Variants in RAB5A observed in about 807,000 individuals in gnomAD.
The protein encoded by RAB5A is RAB5A, member RAS oncogene family, also known as ras-related protein Rab-5A.
RAB5A carries 8 observed loss-of-function variants against 25.7 expected under a neutral mutation model. The observed-to-expected ratio is 0.31, with a 90% CI of 0.18 to 0.56. The LOEUF (loss-of-function observed/expected upper bound fraction) is 0.56, where lower values mean the gene tolerates loss of function less well. Among genes scored for constraint, RAB5A ranks in the 20% least tolerant of loss-of-function variants. RAB5A has a pLI of 0.91. For synonymous variants in RAB5A, 98 were observed against 89.8 expected (o/e 1.09, Z -0.52); for missense variants, 192 against 259.7 (o/e 0.74, Z 1.79).
intron 2 of RAB5A, among the ~76,000 whole-genome samples, chr3:19,961,205 A>G (rs568746831): frequency 6.6e-6 from 1 of 152,342 alleles, no homozygotes; most frequent in Non-Finnish European, 1.5e-5. Context: ...CAGAAGTTTC[A>G]TCTGTACCTT....
intron 2 of RAB5A, among the ~76,000 whole-genome samples, chr3:19,958,436 C>T (rs1160047878): frequency 6.6e-6 from 1 of 152,178 alleles, no homozygotes; most frequent in East Asian, 1.9e-4. Flanking sequence ...GCTACTTAAA[C>T]ATTCCCGTGA....
At position 19,947,158 on chromosome 3, in the gene RAB5A, C is replaced by T; in HGVS notation, c.-457C>T. ...CACCGGGCAGCGGAAGTGGCTCCGG[C>T]GGTGGGACTTGAGTGTTTGTGTTTT... is the stretch of plus-strand genomic sequence containing the variant. On this transcript the variant is annotated 5_prime_UTR_variant, in exon 1 of 6. Transcript: ENST00000273047. 1 of 156,568 alleles carries T rather than the reference C, an allele frequency of 6.4e-6. No homozygotes were observed. The highest frequency in any genetic ancestry group is 1.7e-4 in the South Asian group (1 of 5,762). 9.7% of individuals were successfully genotyped at this position (156,568 alleles called of 1,614,324 possible).
At chr3:19,958,306 G>A (rs548371662) in intron 2 of RAB5A, among the ~76,000 whole-genome samples, 18 of 152,238 alleles carry the variant, frequency 1.2e-4, no homozygotes, top group African/African-American at 4.3e-4. Flanking sequence ...AATTTGAGAG[G>A]TTGTTACCCA....
At chr3:19,973,298 T>G (rs1336077999) in intron 2 of RAB5A, among the ~76,000 whole-genome samples, 1 of 152,102 alleles carries the variant, frequency 6.6e-6, no homozygotes, top group Non-Finnish European at 1.5e-5. Flanking sequence ...CTTATGGACG[T>G]ATAAGTGAAT....
At chr3:19,949,172 C>G (rs754420399) in intron 1 of RAB5A, among the ~76,000 whole-genome samples, 1 of 152,162 alleles carries the variant, frequency 6.6e-6, no homozygotes, top group East Asian at 1.9e-4. Context: ...TTATTTATAC[C>G]TTGTTATTTG....
At position 19,968,081 on chromosome 3, in the gene RAB5A, A is replaced by C. The variant is rs190730752; in HGVS notation, c.164-7520A>C. Among the ~76,000 whole-genome samples, 347 of 152,260 alleles carry C rather than the reference A, an allele frequency of 2.3e-3. 1 individual carries two copies. The highest frequency in any genetic ancestry group is 7.8e-3 in the African/African-American group (326 of 41,536). ...TCTTCACTGATAACTTTAGTACCTG[A>C]TTCTAACAATCTCTAACTTGAATTT... On this transcript the variant is annotated intron_variant, in intron 2 of 5. Coordinates refer to ENST00000273047, the MANE Select transcript of RAB5A (RefSeq NM_004162.5).
At chr3:19,971,509 T>C (rs1201055656) in intron 2 of RAB5A, among the ~76,000 whole-genome samples, 5 of 152,110 alleles carry the variant, frequency 3.3e-5, no homozygotes, top group African/African-American at 1.2e-4. Flanking sequence ...TACACTCTTG[T>C]TGCCCAGGCT....
chr3:19,966,136 G>A (rs533689174), intron 2 of RAB5A, among the ~76,000 whole-genome samples: 1 of 152,236 alleles, frequency 6.6e-6, no homozygotes, highest in South Asian at 2.1e-4. Context: ...ACATTGTTGT[G>A]TAACTATCCA....
At chr3:19,974,496 T>A (rs1471990793) in intron 2 of RAB5A, among the ~76,000 whole-genome samples, 12 of 151,966 alleles carry the variant, frequency 7.9e-5, no homozygotes, top group Admixed American at 7.2e-4. Context: ...TCAGGGAAAG[T>A]ACAGATCCAA....
At chr3:19,953,550 G>C (rs1335295781) in intron 2 of RAB5A, among the ~76,000 whole-genome samples, 1 of 151,978 alleles carries the variant, frequency 6.6e-6, no homozygotes, top group Non-Finnish European at 1.5e-5. Context: ...TGGGACTACA[G>C]GCGCAAGCCA....
At chr3:19,961,014 A>C (rs1439249691) in intron 2 of RAB5A, among the ~76,000 whole-genome samples, 1 of 152,172 alleles carries the variant, frequency 6.6e-6, no homozygotes, top group Non-Finnish European at 1.5e-5. Flanking sequence ...TATTCCACCT[A>C]GTTACTATCG....
chr3:19,959,971 C>T (rs1225534916), intron 2 of RAB5A, among the ~76,000 whole-genome samples: 3 of 152,074 alleles, frequency 2.0e-5, no homozygotes, highest in African/African-American at 7.2e-5. Flanking sequence ...TTTTTGGAGA[C>T]ACACTCAGAG....
At chr3:19,957,072 G>C (rs1696514617) in intron 2 of RAB5A, among the ~76,000 whole-genome samples, 1 of 146,608 alleles carries the variant, frequency 6.8e-6, no homozygotes, top group Non-Finnish European at 1.5e-5. Flanking sequence ...ACTGACTATA[G>C]GCATGCACCC....
At chr3:19,949,590 T>C (rs769683755) in intron 1 of RAB5A, among the ~76,000 whole-genome samples, 5 of 152,322 alleles carry the variant, frequency 3.3e-5, no homozygotes, top group Non-Finnish European at 7.3e-5. Flanking sequence ...TATTAGCATG[T>C]ATTCGGATTT....
At chr3:19,972,453 A>G (rs1198012664) in intron 2 of RAB5A, among the ~76,000 whole-genome samples, 1 of 152,214 alleles carries the variant, frequency 6.6e-6, no homozygotes, top group Non-Finnish European at 1.5e-5. Context: ...TGTAGGAGAT[A>G]TTAACTAGGG....
At chr3:19,953,261 GAT>G in intron 2 of RAB5A, among the ~76,000 whole-genome samples, 1 of 152,144 alleles carries the variant, frequency 6.6e-6, no homozygotes, top group Middle Eastern at 3.4e-3. Flanking sequence ...ATATATCTCT[GAT>G]ATGTGTGTAT....
chr3:19,953,494 G>A (rs867762403), intron 2 of RAB5A, among the ~76,000 whole-genome samples: 146 of 146,586 alleles, frequency 1.0e-3, no homozygotes, highest in African/African-American at 3.4e-3. Flanking sequence ...TGCAACCTCC[G>A]CTTCCCAGGA....
At chr3:19,963,592 C>T (rs1696622110) in intron 2 of RAB5A, among the ~76,000 whole-genome samples, 1 of 151,890 alleles carries the variant, frequency 6.6e-6, no homozygotes, top group African/African-American at 2.4e-5. Context: ...AAAGTTTTCC[C>T]TCTCTGTTTA....
intron 2 of RAB5A, among the ~76,000 whole-genome samples, chr3:19,973,547 C>T (rs1696781450): frequency 6.6e-6 from 1 of 151,938 alleles, no homozygotes; most frequent in African/African-American, 2.4e-5. Context: ...GAGAACCTCT[C>T]GTGACCTTCA....
Sources: allele counts gnomAD v4.1 joint callset (sites outside exome capture counted in the v4.1 genomes callset), GRCh38; gene constraint gnomAD v4.1.1; transcripts MANE v1.5; gene names NCBI Gene and HGNC (gene_info 2026-07-23, HGNC 2026-07-21).